The following STXBP4 variants were observed in gnomAD, a reference collection of about 807,000 sequenced individuals.
STXBP4 encodes syntaxin-binding protein 4.
In STXBP4, 55 loss-of-function variants were observed where a neutral mutation model predicts 76.1. That is an observed-to-expected ratio of 0.72 (90% CI 0.58 to 0.91). The LOEUF (loss-of-function observed/expected upper bound fraction) is 0.91, where lower values mean the gene tolerates loss of function less well. Ranked by LOEUF, STXBP4 falls within the 40% of genes least tolerant of loss-of-function variation. STXBP4 has a pLI of 0.00. For missense variants in STXBP4, 618 were observed against 636.9 expected (o/e 0.97, Z 0.32); for synonymous variants, 201 against 220.2 (o/e 0.91, Z 0.77).
chr17:55,157,656 G>A (rs868521414), intron 17 of STXBP4, among the ~76,000 whole-genome samples: 5 of 152,208 alleles, frequency 3.3e-5, no homozygotes, highest in South Asian at 4.1e-4. Context: ...TAATAAAACC[G>A]CTAGTAATCT....
At chr17:55,050,250 C>A (rs990292056) in intron 12 of STXBP4, among the ~76,000 whole-genome samples, 1 of 151,708 alleles carries the variant, frequency 6.6e-6, no homozygotes, top group Non-Finnish European at 1.5e-5. Flanking sequence ...CAAATAATAA[C>A]CAGTTAGAAG....
chr17:55,182,138 C>T, the STXBP4 span, among the ~76,000 whole-genome samples: 2 of 140,656 alleles, frequency 1.4e-5, no homozygotes, highest in African/African-American at 5.2e-5. Flanking sequence ...AGAAACCAAG[C>T]ACATGAGAAG....
At chr17:54,995,733 A>G (rs2077790766) in intron 4 of STXBP4, among the ~76,000 whole-genome samples, 1 of 152,232 alleles carries the variant, frequency 6.6e-6, no homozygotes, top group South Asian at 2.1e-4. Context: ...GCAAACTATG[A>G]AGAAACCAGT....
chr17:54,982,774 A>G (rs2077568952), intron 1 of STXBP4, among the ~76,000 whole-genome samples: 1 of 152,164 alleles, frequency 6.6e-6, no homozygotes. Context: ...AATGAATACC[A>G]CTGTTGGGAT....
chr17:55,118,745 G>A (rs2079810575), intron 16 of STXBP4, among the ~76,000 whole-genome samples: 1 of 151,742 alleles, frequency 6.6e-6, no homozygotes, highest in Non-Finnish European at 1.5e-5. Context: ...TGTTCAGAAA[G>A]ATAGAAGGAA....
At chr17:55,082,278 G>A (rs1369045832) in intron 16 of STXBP4, among the ~76,000 whole-genome samples, 2 of 152,162 alleles carry the variant, frequency 1.3e-5, no homozygotes, top group Non-Finnish European at 2.9e-5. Flanking sequence ...ATTTTAAATA[G>A]CATGAGCAGA....
chr17:55,078,687 C>A lies in STXBP4; in HGVS notation c.1307C>A (p.Ala436Asp). 1 of 1,555,356 alleles carries A rather than the reference C, an allele frequency of 6.4e-7. No individual in the cohort carries two copies. Among genetic ancestry groups the A allele is most frequent in the Middle Eastern group, 1.7e-4 (1 of 5,892 alleles). Residue 436 changes from alanine to aspartate, a missense_variant and splice_region_variant, in exon 15 of 18, where the codon GCT becomes GAT. By Grantham distance (126) the Ala-to-Asp change is moderately radical. Coordinates refer to ENST00000376352, the MANE Select transcript of STXBP4 (RefSeq NM_178509.6). ...STEKLLHFVE[A>D]IQEVFSDNST... ...CTTCACCATCTTGTTTGTTGCTAGGCTATTCAAGAAGTATTTTCTGATAAT... is the reference window on the plus strand; with the variant it reads ...CTTCACCATCTTGTTTGTTGCTAGGATATTCAAGAAGTATTTTCTGATAAT...
At chr17:55,132,233 C>T (rs1324722413) in intron 16 of STXBP4, among the ~76,000 whole-genome samples, 1 of 152,156 alleles carries the variant, frequency 6.6e-6, no homozygotes, top group East Asian at 1.9e-4. Flanking sequence ...GCTGTGTCCC[C>T]CAGGATGGAG....
Position 55,047,113 on chromosome 17 carries a change from CA to C in STXBP4, c.973del (p.Arg325GlyfsTer4), listed in dbSNP as rs1382030656. The C allele has an allele frequency of 1.2e-6, 2 of 1,604,554 alleles. No homozygotes were observed. The highest frequency in any genetic ancestry group is 1.7e-6 in the Non-Finnish European group (2 of 1,173,978). On this transcript the variant is annotated frameshift_variant, in exon 12 of 18. Transcript: ENST00000376352. LOFTEE classifies it high-confidence loss of function. The part of the protein sequence containing the change: ...LKEKLLESDK[Q>X]RKQLTEELQN... ...GGAAAAATTATTGGAATCAGATAAG[CA>C]AAGGAAACAATTGACAGAAGAGCTC...
Position 54,976,731 on chromosome 17 carries a change from T to C in STXBP4, c.-157+7916T>C, listed in dbSNP as rs576668099. On this transcript the variant is annotated intron_variant, in intron 1 of 17. Coordinates refer to ENST00000376352, the MANE Select transcript of STXBP4 (RefSeq NM_178509.6). Reference sequence around the variant, plus strand: ...TGAGAACCCTATTATGAATTAGGCATATGAGTGGTCTAGGTTGCATGCTCC... The same window carrying C: ...TGAGAACCCTATTATGAATTAGGCACATGAGTGGTCTAGGTTGCATGCTCC... Among the ~76,000 whole-genome samples the C allele has an allele frequency of 8.1e-4, 123 of 152,134 alleles. 2 individuals carry two copies. Among genetic ancestry groups the C allele is most frequent in the Non-Finnish European group, 3.5e-4 (24 of 68,030 alleles).
chr17:54,986,316 C>A, intron 3 of STXBP4, 50 bp downstream of exon 3: 1 of 1,390,842 alleles, frequency 7.2e-7, no homozygotes, highest in Non-Finnish European at 1.0e-6. Context: ...AATATGTAAA[C>A]TATTAATGAA....
chr17:55,034,024 T>TA, intron 9 of STXBP4, 144 bp from the exon 10 acceptor site: 3 of 535,316 alleles, frequency 5.6e-6, no homozygotes, highest in Non-Finnish European at 6.6e-6. Context: ...TATTTGAAAT[T>TA]ACATTTACCT....
At chr17:55,126,203 G>T (rs2079910948) in intron 16 of STXBP4, among the ~76,000 whole-genome samples, 1 of 151,988 alleles carries the variant, frequency 6.6e-6, no homozygotes, top group Non-Finnish European at 1.5e-5. Context: ...TACTCAGTGT[G>T]AAAACAAAAA....
chr17:55,139,071 A>T (rs895837594), intron 16 of STXBP4, among the ~76,000 whole-genome samples: 3 of 152,162 alleles, frequency 2.0e-5, no homozygotes, highest in Non-Finnish European at 2.9e-5. Flanking sequence ...TTTAATATGC[A>T]GGGATATCTT....
At chr17:55,115,729 A>G (rs1447513640) in intron 16 of STXBP4, among the ~76,000 whole-genome samples, 1 of 151,880 alleles carries the variant, frequency 6.6e-6, no homozygotes, top group Non-Finnish European at 1.5e-5. Flanking sequence ...CCTCAGCGAA[A>G]CTCTTCCAGT....
At chr17:55,066,027 T>C (rs2079047241) in intron 12 of STXBP4, among the ~76,000 whole-genome samples, 1 of 152,180 alleles carries the variant, frequency 6.6e-6, no homozygotes, top group African/African-American at 2.4e-5. Context: ...AAAGAAAATC[T>C]TTGTTTCTTG....
chr17:55,048,332 A>AACTGC (rs1416699145), intron 12 of STXBP4, among the ~76,000 whole-genome samples: 2 of 151,914 alleles, frequency 1.3e-5, no homozygotes, highest in East Asian at 3.8e-4. Context: ...CCATAGAAGA[A>AACTGC]ACTGCACAGA....
intron 16 of STXBP4, among the ~76,000 whole-genome samples, chr17:55,096,184 T>C (rs917211693): frequency 6.6e-6 from 1 of 152,068 alleles, no homozygotes; most frequent in African/African-American, 2.4e-5. Flanking sequence ...TTAGACAAGG[T>C]TCATGCTGTT....
chr17:55,079,055 CAA>C (rs1258657752), intron 15 of STXBP4, among the ~76,000 whole-genome samples: 3 of 152,242 alleles, frequency 2.0e-5, no homozygotes, highest in South Asian at 2.1e-4. Context: ...GCGTATGAAT[CAA>C]AGTTACTGGT....
Sources: gnomAD v4.1 joint callset for allele counts (sites outside exome capture counted in the v4.1 genomes callset) on GRCh38, gnomAD v4.1.1 for gene constraint, MANE v1.5 for transcripts, NCBI Gene and HGNC (gene_info 2026-07-23, HGNC 2026-07-21) for gene names.